Variants in NUB1 observed in about 807,000 individuals in gnomAD.
NUB1 encodes the protein NEDD8 ultimate buster 1.
In NUB1, 41 loss-of-function variants were observed where a neutral mutation model predicts 77.1. That is an observed-to-expected ratio of 0.53 (90% CI 0.41 to 0.69). NUB1 has a LOEUF of 0.69. NUB1 is among the 30% of genes least tolerant of loss of function. NUB1 has a pLI of 0.00. For missense variants in NUB1, 643 were observed against 743.8 expected (o/e 0.86, Z 1.58); for synonymous variants, 257 against 281.0 (o/e 0.91, Z 0.85).
chr7:151,343,109 T>C (rs1796291155), intron 1 of NUB1, among the ~76,000 whole-genome samples: 1 of 152,230 alleles, frequency 6.6e-6, no homozygotes, highest in Admixed American at 6.5e-5. Flanking sequence ...TGAAGATTCA[T>C]GAGTAGTATG....
chr7:151,372,993 T>C (rs1798031108), intron 11 of NUB1, among the ~76,000 whole-genome samples: 1 of 152,202 alleles, frequency 6.6e-6, no homozygotes, highest in South Asian at 2.1e-4. Flanking sequence ...AGCCACTCTG[T>C]TCTGCCTGCT....
intron 8 of NUB1, 113 bp downstream of exon 8, chr7:151,360,360 T>C: frequency 1.8e-6 from 1 of 570,378 alleles, no homozygotes; most frequent in Non-Finnish European, 3.2e-6. Flanking sequence ...CAGTGGTTAA[T>C]GTAAAAGAGT....
intron 3 of NUB1, 120 bp downstream of exon 3, chr7:151,349,360 T>C: frequency 2.4e-6 from 2 of 822,936 alleles, no homozygotes; most frequent in Non-Finnish European, 3.8e-6. Context: ...TGACTTTACA[T>C]ATTGAACAAT....
At chr7:151,364,432 CAA>C (rs113699534) in intron 8 of NUB1, among the ~76,000 whole-genome samples, 1 of 146,690 alleles carries the variant, frequency 6.8e-6, no homozygotes, top group South Asian at 2.2e-4. Flanking sequence ...AAAACAAAAA[CAA>C]AAAAAAACAA....
At chr7:151,357,022 T>A (rs1010375623) in intron 7 of NUB1, among the ~76,000 whole-genome samples, 2 of 151,692 alleles carry the variant, frequency 1.3e-5, no homozygotes, top group African/African-American at 4.8e-5. Context: ...CTGCCGTGTT[T>A]TTGTTTTTTT....
chr7:151,367,740 T>C (rs1269771356), intron 9 of NUB1, 121 bp from the exon 10 acceptor site: 2 of 634,602 alleles, frequency 3.2e-6, no homozygotes, highest in Non-Finnish European at 5.4e-6. Flanking sequence ...AGTGAAGCCA[T>C]GGACATTTTA....
At chr7:151,362,805 C>T (rs429124) in intron 8 of NUB1, among the ~76,000 whole-genome samples, 5 of 152,204 alleles carry the variant, frequency 3.3e-5, no homozygotes, top group Admixed American at 6.5e-5. Context: ...GTGAGGAAAC[C>T]GCCCAGGGCT....
intron 8 of NUB1, among the ~76,000 whole-genome samples, chr7:151,366,121 C>T (rs756976417): frequency 6.6e-6 from 1 of 152,148 alleles, no homozygotes; most frequent in Non-Finnish European, 1.5e-5. Context: ...AATTAGTCAC[C>T]TTGATGGCTG....
intron 1 of NUB1, among the ~76,000 whole-genome samples, chr7:151,344,872 T>C (rs6464139): frequency 0.64 from 96,890 of 151,642 alleles, 32,376 homozygotes; most frequent in Non-Finnish European, 0.75. Flanking sequence ...TGGTGGCGCA[T>C]GCCTGTAATC....
intron 1 of NUB1, among the ~76,000 whole-genome samples, chr7:151,343,324 C>T (rs939883021): frequency 6.6e-6 from 1 of 152,062 alleles, no homozygotes; most frequent in Non-Finnish European, 1.5e-5. Context: ...TTCTTGTCCC[C>T]GCACTGACAT....
At chr7:151,367,479 A>G (rs973183810) in intron 9 of NUB1, among the ~76,000 whole-genome samples, 4 of 152,216 alleles carry the variant, frequency 2.6e-5, no homozygotes, top group South Asian at 4.1e-4. Flanking sequence ...GTTTACGTGA[A>G]TGAGTCACAG....
Position 151,377,432 on chromosome 7 carries a change from C to A in NUB1, c.*207C>A, listed in dbSNP as rs570258597. On this transcript the variant is annotated 3_prime_UTR_variant, in exon 15 of 15. Coordinates refer to ENST00000568733, the MANE Select transcript of NUB1 (RefSeq NM_001243351.2). ...GAAGCTTCCTCTGGCCTGGCGCAGG[C>A]CGTTCCATCTGCCTCCCAGGTCTGC... 17 of 424,806 alleles carry A rather than the reference C, an allele frequency of 4.0e-5. No homozygotes were observed. Among genetic ancestry groups the A allele is most frequent in the African/African-American group, 2.9e-4 (14 of 48,998 alleles). The allele number at this position is 424,806 out of a possible 1,614,324, so 26.3% of individuals were successfully genotyped here. A position where few individuals can be genotyped will look rare whatever the true frequency, so the allele number is the denominator to read the frequency against.
intron 8 of NUB1, 192 bp downstream of exon 8, chr7:151,360,439 GAA>G: frequency 2.2e-6 from 1 of 457,550 alleles, no homozygotes; most frequent in Non-Finnish European, 3.9e-6. Context: ...TCCCTGTAAA[GAA>G]AAGAATTTTC....
At chr7:151,365,668 C>T (rs1014824389) in intron 8 of NUB1, among the ~76,000 whole-genome samples, 1 of 152,166 alleles carries the variant, frequency 6.6e-6, no homozygotes, top group African/African-American at 2.4e-5. Context: ...GAGAAAGCAC[C>T]CCTCACCCAG....
At chr7:151,376,238 G>A (rs1798232361) in intron 13 of NUB1, 1 of 471,550 alleles carries the variant, frequency 2.1e-6, no homozygotes, top group Admixed American at 3.5e-5. Context: ...TGACCTAAAA[G>A]GATGGCACTG....
At chr7:151,349,493 A>G (rs1796684317) in intron 3 of NUB1, among the ~76,000 whole-genome samples, 2 of 152,320 alleles carry the variant, frequency 1.3e-5, no homozygotes, top group Non-Finnish European at 1.5e-5. Flanking sequence ...GATCCTTTCT[A>G]GCGTGTGAAC....
chr7:151,342,547 T>C (rs1356832538), intron 1 of NUB1, among the ~76,000 whole-genome samples: 1 of 152,236 alleles, frequency 6.6e-6, no homozygotes, highest in African/African-American at 2.4e-5. Context: ...AGTTACAATG[T>C]GAAACATTGT....
chr7:151,374,967 G>T (rs1456886344), intron 12 of NUB1, among the ~76,000 whole-genome samples: 1 of 151,786 alleles, frequency 6.6e-6, no homozygotes, highest in Non-Finnish European at 1.5e-5. Flanking sequence ...GCAGCGCGGC[G>T]GGCAGGAAGC....
intron 7 of NUB1, among the ~76,000 whole-genome samples, chr7:151,357,383 C>G (rs564482459): frequency 6.6e-6 from 1 of 152,040 alleles, no homozygotes; most frequent in Non-Finnish European, 1.5e-5. Flanking sequence ...CTCGGCCTCC[C>G]GAAGTTCTGG....
Sources: allele counts gnomAD v4.1 joint callset (sites outside exome capture counted in the v4.1 genomes callset), GRCh38; gene constraint gnomAD v4.1.1; transcripts MANE v1.5; gene names NCBI Gene and HGNC (gene_info 2026-07-23, HGNC 2026-07-21).